Variants in NKX2-5 observed in about 807,000 individuals in gnomAD.
The protein encoded by NKX2-5 is NK2 homeobox 5.
In NKX2-5, 3 loss-of-function variants were observed where a neutral mutation model predicts 24.5. The ratio of observed to expected loss-of-function variants is 0.12; its 90% CI spans 0.06 to 0.32. The LOEUF (loss-of-function observed/expected upper bound fraction) is 0.32, where lower values mean the gene tolerates loss of function less well. NKX2-5 is among the 10% of genes least tolerant of loss of function. The pLI is 1.00. For synonymous variants in NKX2-5, 215 were observed against 217.6 expected, an observed-to-expected ratio of 0.99 and a Z score of 0.11; for missense variants, 429 against 452.4, an observed-to-expected ratio of 0.95 and a Z score of 0.47.
chr5:173,233,026 C>T lies in NKX2-5; in HGVS notation c.518G>A (p.Ser173Asn). Residue 173 changes from serine to asparagine, a missense_variant, in exon 2 of 2, where the codon AGC (serine) becomes AAC (asparagine). Physicochemically the swap from Ser to Asn is conservative, Grantham distance 46 (BLOSUM62 1). Coordinates refer to ENST00000329198, the MANE Select transcript of NKX2-5 (RefSeq NM_004387.4). ...CTGCGTGGACGTGAGTTTCAGCACGCTGGCCAGCTGGTCGCGTTCGGGGGC... is the reference window on the plus strand; with the variant it reads ...CTGCGTGGACGTGAGTTTCAGCACGTTGGCCAGCTGGTCGCGTTCGGGGGC... ...LSAPERDQLA[S>N]VLKLTSTQVK... 6.2e-7 allele frequency: 1 copy of T among 1,608,858 alleles called. No homozygotes were observed. The highest frequency in any genetic ancestry group is 1.1e-5 in the South Asian group (1 of 90,670).
chr5:173,233,837 T>G (rs1459701446), intron 1 of NKX2-5: 1 of 985,268 alleles, frequency 1.0e-6, no homozygotes, highest in Non-Finnish European at 1.2e-6. Context: ...CGCCCGAATT[T>G]GTTCCCAGGC....
chr5:173,233,101 G>A lies in NKX2-5; in HGVS notation c.443C>T (p.Ala148Val), dbSNP rs864321649. The change falls in exon 2 of 2, where the codon GCG becomes GTG. Residue 148 changes from alanine to valine, a missense_variant. Coordinates refer to ENST00000329198, the MANE Select transcript of NKX2-5 (RefSeq NM_004387.4). ...GCGCCGCTCCAGCTCATAGACCTGC[G>A]CCTGCGAGAAGAGCACGCGCGGCTT... is the stretch of plus-strand genomic sequence containing the variant. ...RRKPRVLFSQ[A>V]QVYELERRFK... 6.3e-7 allele frequency: 1 copy of A among 1,599,514 alleles called. No individual in the cohort carries two copies.
At position 173,232,991 on chromosome 5, in the gene NKX2-5, A is replaced by G. The variant is rs1761355968; in HGVS notation, c.553T>C (p.Trp185Arg). Residue 185 changes from tryptophan to arginine, a missense_variant, in exon 2 of 2, where the codon TGG becomes CGG. Physicochemically the swap from Trp to Arg is moderately radical, Grantham distance 101 (BLOSUM62 -3). Around this residue, in one of 3 missense-constraint regions of NKX2-5, gnomAD observed 6 missense variants for 26.1 expected, o/e 0.23. Transcript: ENST00000329198. This position sits in a 1 kb window ranked among gnomAD's most constrained non-coding sequence, Gnocchi z 5.9. ...CACTTGTAGCGCCGGTTCTGGAACC[A>G]GATCTTGACCTGCGTGGACGTGAGT... ...LKLTSTQVKI[W>R]FQNRRYKCKR... is the part of the protein sequence containing the mutation. The G allele has an allele frequency of 1.2e-6, 2 of 1,611,498 alleles. No homozygotes were observed. The highest frequency in any genetic ancestry group is 1.7e-6 in the Non-Finnish European group (2 of 1,179,238).
In NKX2-5 at chr5:173,232,617, C is replaced by T; in HGVS notation, c.927G>A (p.Pro309=). The T allele has an allele frequency of 2.5e-6, 4 of 1,613,310 alleles. No individual in the cohort carries two copies. Among genetic ancestry groups the T allele is most frequent in the Non-Finnish European group, 3.4e-6 (4 of 1,180,002 alleles). Residue 309 remains proline, a synonymous_variant, in exon 2 of 2, where the codon CCG becomes CCA. Coordinates refer to ENST00000329198, the MANE Select transcript of NKX2-5 (RefSeq NM_004387.4). The surrounding 1 kb of genome is among the most constrained non-coding windows in gnomAD (Gnocchi z 5.9). ...DLNAVQSPGI[P]QSNSGVSTLH... ...GCGTGGACACTCCCGAGTTGCTCTG[C>T]GGAATCCCGGGGCTCTGAACCGCAT...
At position 173,233,146 on chromosome 5, in the gene NKX2-5, G is replaced by A. The variant is rs1581108803; in HGVS notation, c.398C>T (p.Pro133Leu). 2 of 1,602,774 alleles carry A rather than the reference G, an allele frequency of 1.2e-6. No homozygotes were observed. Among genetic ancestry groups the A allele is most frequent in the East Asian group, 2.2e-5 (1 of 44,524 alleles). Residue 133 changes from proline to leucine, a missense_variant, in exon 2 of 2, where the codon CCC (proline) becomes CTC (leucine). Physicochemically the swap from Pro to Leu is moderately conservative, Grantham distance 98. Transcript: ENST00000329198. ...EKTEADNAER[P>L]RARRRRKPRV... is the part of the protein sequence containing the mutation. ...CGGCTTCCTCCGCCGTCGCGCCCGG[G>A]GCCGCTCCGCGTTGTCCGCCTCTGT... is the stretch of plus-strand genomic sequence containing the variant.
intron 1 of NKX2-5, chr5:173,234,188 A>G (rs1485334691): frequency 7.9e-7 from 1 of 1,271,586 alleles, no homozygotes; most frequent in Non-Finnish European, 1.0e-6. Flanking sequence ...GCAGTATCCC[A>G]TTTTAAAATC....
At position 173,232,837 on chromosome 5, in the gene NKX2-5, G is replaced by T. The variant is rs397515399; in HGVS notation, c.707C>A (p.Pro236His). 2 of 1,611,882 alleles carry T rather than the reference G, an allele frequency of 1.2e-6. No individual in the cohort carries two copies. Among genetic ancestry groups the T allele is most frequent in the African/African-American group, 2.7e-5 (2 of 74,916 alleles). The change falls in exon 2 of 2, where the codon CCC (proline) becomes CAC (histidine). Residue 236 changes from proline to histidine, a missense_variant. Coordinates refer to ENST00000329198, the MANE Select transcript of NKX2-5 (RefSeq NM_004387.4). This position sits in a 1 kb window ranked among gnomAD's most constrained non-coding sequence, Gnocchi z 5.9. ...DGKPCLGDSA[P>H]YAPAYGVGLN... ...GCCCACGCCGTAGGCAGGCGCGTAG[G>T]GCGCCGAGTCCCCTAGGCATGGCTT...
Position 173,234,806 on chromosome 5 carries a change from T to C in NKX2-5, c.278A>G (p.Tyr93Cys). Residue 93 changes from tyrosine to cysteine, a missense_variant, in exon 1 of 2, where the codon TAT becomes TGT. Tyr to Cys is a radical substitution (Grantham distance 194). Around this residue, in one of 3 missense-constraint regions of NKX2-5, gnomAD observed 240 missense variants for 240.4 expected, o/e 1.00. Transcript: ENST00000329198. ...ASAFPAAPAF[Y>C]PRAYSDPDPA... is the part of the protein sequence containing the mutation. ...GTCGGGGTCGCTGTAGGCACGTGGA[T>C]AGAAGGCGGGGGCGGCGGGAAAGGC... 6.3e-7 allele frequency: 1 copy of C among 1,583,728 alleles called. No homozygotes were observed. Among genetic ancestry groups the C allele is most frequent in the Non-Finnish European group, 8.6e-7 (1 of 1,166,978 alleles).
intron 1 of NKX2-5, chr5:173,234,277 A>G (rs1761410479): frequency 8.3e-7 from 1 of 1,203,300 alleles, no homozygotes; most frequent in Admixed American, 3.4e-5. Flanking sequence ...GGTGGGCTGC[A>G]GAAAGAAGGT....
In NKX2-5 at chr5:173,234,915, C is replaced by A. The variant is rs549161381; in HGVS notation, c.169G>T (p.Ala57Ser). 9.9e-6 allele frequency: 16 copies of A among 1,609,736 alleles called. No individual in the cohort carries two copies. Among genetic ancestry groups the A allele is most frequent in the African/African-American group, 1.3e-5 (1 of 74,690 alleles). Residue 57 changes from alanine (A) to serine (S), a missense_variant, in exon 1 of 2, where the codon GCT becomes TCT. Coordinates refer to ENST00000329198, the MANE Select transcript of NKX2-5 (RefSeq NM_004387.4). Reference protein sequence around the residue: ...MLAAFKPEAYAGPEAAAPGLP... With the variant: ...MLAAFKPEAYSGPEAAAPGLP... ...CCCGGCGCAGCCGCCTCGGGCCCAG[C>A]GTAGGCCTCTGGCTTGAAGGCGGCC...
In NKX2-5 at chr5:173,234,763, T is replaced by G. The variant is rs771362938; in HGVS notation, c.321A>C (p.Arg107Ser). ...YSDPDPAKDPRAEKKELCALQ... is the reference protein window; with the variant it reads ...YSDPDPAKDPSAEKKELCALQ... ...TTTCCTCCTCACCTTTCTTTTCGGC[T>G]CTAGGGTCCTTGGCTGGGTCGGGGT... The change falls in exon 1 of 2, where the codon AGA becomes AGC. Residue 107 changes from arginine (R) to serine (S), a missense_variant. Transcript: ENST00000329198. 2 of 1,544,658 alleles carry G rather than the reference T, an allele frequency of 1.3e-6. No homozygotes were observed. Among genetic ancestry groups the G allele is most frequent in the East Asian group, 2.3e-5 (1 of 42,676 alleles).
At position 173,232,255 on chromosome 5, in the gene NKX2-5, T is replaced by G; in HGVS notation, c.*314A>C. On this transcript the variant is annotated 3_prime_UTR_variant, in exon 2 of 2. Coordinates refer to ENST00000329198, the MANE Select transcript of NKX2-5 (RefSeq NM_004387.4). The surrounding 1 kb of genome is among the most constrained non-coding windows in gnomAD (Gnocchi z 5.9). ...CTGGCTCGCGGAATGGGCGGCCAGATCTCAGGCCCTGCGTGCCCGAGCTCA... is the reference window on the plus strand; with the variant it reads ...CTGGCTCGCGGAATGGGCGGCCAGAGCTCAGGCCCTGCGTGCCCGAGCTCA... 1 of 407,216 alleles carries G rather than the reference T, an allele frequency of 2.5e-6. No homozygotes were observed. Among genetic ancestry groups the G allele is most frequent in the Non-Finnish European group, 4.4e-6 (1 of 227,598 alleles). The allele number at this position is 407,216 out of a possible 1,614,324, so 25.2% of individuals were successfully genotyped here.
intron 1 of NKX2-5, chr5:173,233,505 C>CAAAAAAAAAAAAAAA (rs763099269): frequency 1.3e-4 from 67 of 503,426 alleles, no homozygotes; most frequent in South Asian, 5.4e-4. Context: ...TTTCAGGCTG[C>CAAAAAAAAAAAAAAA]AAAAAAAAAA....
chr5:173,234,151 A>T, intron 1 of NKX2-5: 1 of 1,288,980 alleles, frequency 7.8e-7, no homozygotes, highest in Non-Finnish European at 1.0e-6. Flanking sequence ...CTGAAAAAAT[A>T]AAGTGAAGTC....
chr5:173,232,372 C>A lies in NKX2-5; in HGVS notation c.*197G>T. 1 of 1,014,962 alleles carries A rather than the reference C, an allele frequency of 9.9e-7. No homozygotes were observed. The highest frequency in any genetic ancestry group is 1.4e-6 in the Non-Finnish European group (1 of 706,432). The allele number at this position is 1,014,962 out of a possible 1,614,324, so 62.9% of individuals were successfully genotyped here. ...CCAGGCTGCAGGATCACTCATTGCACGCTGCATAATCGCCGCCACAAACTC... is the reference window on the plus strand; with the variant it reads ...CCAGGCTGCAGGATCACTCATTGCAAGCTGCATAATCGCCGCCACAAACTC... On this transcript the variant is annotated 3_prime_UTR_variant, in exon 2 of 2. Transcript: ENST00000329198. The surrounding 1 kb of genome is among the most constrained non-coding windows in gnomAD (Gnocchi z 5.9).
chr5:173,233,923 G>A (rs1652213056), intron 1 of NKX2-5: 2 of 1,183,698 alleles, frequency 1.7e-6, no homozygotes, highest in Non-Finnish European at 2.1e-6. Context: ...CCCAGCGCCT[G>A]CGGCCTCCCG....
Position 173,235,171 on chromosome 5 carries a change from C to T in NKX2-5, c.-88G>A. ...TGGCAGCTTCCCTGCATGGTGCCGC[C>T]GCCCGCCCGCGCACCCGTCGGCCAG... On this transcript the variant is annotated 5_prime_UTR_variant, in exon 1 of 2. Coordinates refer to ENST00000329198, the MANE Select transcript of NKX2-5 (RefSeq NM_004387.4). 1 of 1,310,200 alleles carries T rather than the reference C, an allele frequency of 7.6e-7. No homozygotes were observed. The highest frequency in any genetic ancestry group is 1.0e-6 in the Non-Finnish European group (1 of 964,088). The allele number at this position is 1,310,200 out of a possible 1,614,324, so 81.2% of individuals were successfully genotyped here.
At chr5:173,234,030 C>G (rs1761402669) in intron 1 of NKX2-5, 1 of 1,281,238 alleles carries the variant, frequency 7.8e-7, no homozygotes, top group Non-Finnish European at 1.0e-6. Flanking sequence ...GGATGGCCTG[C>G]GGGATGATCC....
At chr5:173,233,525 A>AAAAAAAAAAAAAAAAAAAT in intron 1 of NKX2-5, 1 of 854,634 alleles carries the variant, frequency 1.2e-6, no homozygotes, top group South Asian at 1.7e-5. Flanking sequence ...AAAAATAAAT[A>AAAAAAAAAAAAAAAAAAAT]AAAAAATAAA....
Sources: gnomAD v4.1 joint callset for allele counts on GRCh38, gnomAD v4.1.1 for gene constraint, gnomAD v4.1.1 regional missense constraint, Gnocchi (gnomAD v3.1) non-coding constraint, MANE v1.5 for transcripts, NCBI Gene and HGNC (gene_info 2026-07-23, HGNC 2026-07-21) for gene names.